The following ADAMTS20 variants were observed in gnomAD, a reference collection of about 807,000 sequenced individuals.
The protein encoded by ADAMTS20 is ADAM metallopeptidase with thrombospondin type 1 motif 20, also known as A disintegrin and metalloproteinase with thrombospondin motifs 20.
ADAMTS20 carries 225 observed loss-of-function variants against 260.1 expected under a neutral mutation model. The ratio of observed to expected loss-of-function variants is 0.87; its 90% CI spans 0.78 to 0.97. ADAMTS20 has a LOEUF of 0.97. Among genes scored for constraint, ADAMTS20 ranks in the 50% least tolerant of loss-of-function variants. The pLI is 0.00. For synonymous variants in ADAMTS20, 802 were observed against 769.5 expected (o/e 1.04, Z -0.70); for missense variants, 2,400 against 2,337.7 (o/e 1.03, Z -0.55).
At chr12:43,435,015 G>C (rs943092415) in intron 18 of ADAMTS20, among the ~76,000 whole-genome samples, 21 of 140,948 alleles carry the variant, frequency 1.5e-4, no homozygotes, top group African/African-American at 5.6e-4. Flanking sequence ...CACCAGTTGT[G>C]GGGGAAGGAA....
intron 32 of ADAMTS20, 74 bp downstream of exon 32, chr12:43,377,291 C>T: frequency 7.3e-7 from 1 of 1,372,902 alleles, no homozygotes; most frequent in Non-Finnish European, 9.8e-7. Flanking sequence ...GTTAGACATA[C>T]AAACAGATTA....
At chr12:43,542,505 C>T (rs1484976362) in intron 2 of ADAMTS20, among the ~76,000 whole-genome samples, 1 of 46,854 alleles carries the variant, frequency 2.1e-5, no homozygotes, top group Non-Finnish European at 5.1e-5. Context: ...ATCATTTGGG[C>T]CAATCTATTG....
At chr12:43,453,554 G>A (rs1293305851) in intron 12 of ADAMTS20, among the ~76,000 whole-genome samples, 2 of 151,874 alleles carry the variant, frequency 1.3e-5, no homozygotes, top group Non-Finnish European at 2.9e-5. Flanking sequence ...CAGAAGATCC[G>A]AAACATAAGT....
At chr12:43,537,526 C>T (rs952879222) in intron 2 of ADAMTS20, among the ~76,000 whole-genome samples, 1 of 152,018 alleles carries the variant, frequency 6.6e-6, no homozygotes, top group African/African-American at 2.4e-5. Context: ...TACAAAAAAT[C>T]CAATTACATT....
At position 43,396,836 on chromosome 12, in the gene ADAMTS20, C is replaced by A. The variant is rs1273798255; in HGVS notation, c.4452+2230G>T. Among the ~76,000 whole-genome samples the A allele has an allele frequency of 2.6e-5, 4 of 152,166 alleles. No homozygotes were observed. In the East Asian group the frequency reaches 7.7e-4, roughly 29 times the overall value. ...GACAGAAAGTGTCTCTCATGAATAC[C>A]AACCACAGCAGCTGCAGCAGCTGCA... On this transcript the variant is annotated intron_variant, in intron 29 of 38. Coordinates refer to ENST00000389420, the MANE Select transcript of ADAMTS20 (RefSeq NM_025003.5).
chr12:43,389,646 C>A (rs183071519), intron 29 of ADAMTS20, among the ~76,000 whole-genome samples: 75 of 152,072 alleles, frequency 4.9e-4, no homozygotes, highest in Non-Finnish European at 2.6e-4. Context: ...ATGGGGGCAG[C>A]TCTGATGCCA....
intron 7 of ADAMTS20, among the ~76,000 whole-genome samples, chr12:43,477,867 A>G (rs184342364): frequency 5.9e-5 from 9 of 152,348 alleles, no homozygotes; most frequent in Admixed American, 3.3e-4. Context: ...TTCTTCATTA[A>G]GCCAGGGACT....
At chr12:43,405,416 TCTAATAATAATAATAATAATA>T (rs1940898759) in intron 28 of ADAMTS20, among the ~76,000 whole-genome samples, 2 of 70,026 alleles carry the variant, frequency 2.9e-5, no homozygotes, top group East Asian at 7.9e-4. Flanking sequence ...AGACGTCTTC[TCTAATAATAATAATAATAATA>T]ATAATAATAA....
chr12:43,355,789 T>C lies in ADAMTS20; in HGVS notation c.5643+695A>G, dbSNP rs73284837. Among the ~76,000 whole-genome samples the C allele has an allele frequency of 5.1e-3, 783 of 152,136 alleles. 8 individuals are homozygous for C. Among genetic ancestry groups the C allele is most frequent in the African/African-American group, 0.018 (747 of 41,526 alleles). ...ATGAAGTGTACATGTTAGAACACCA[T>C]ACCTGCAGAAAATTAAGTGGATTCT... On this transcript the variant is annotated intron_variant, in intron 38 of 38. Coordinates refer to ENST00000389420, the MANE Select transcript of ADAMTS20 (RefSeq NM_025003.5).
At chr12:43,375,662 G>A (rs1940210359) in intron 35 of ADAMTS20, 150 bp from the exon 36 acceptor site, 4 of 828,994 alleles carry the variant, frequency 4.8e-6, no homozygotes, top group African/African-American at 3.5e-5. Context: ...AATCACTTAA[G>A]GTGAACATAC....
intron 4 of ADAMTS20, among the ~76,000 whole-genome samples, chr12:43,495,136 A>T (rs1376755966): frequency 6.6e-6 from 1 of 152,234 alleles, no homozygotes; most frequent in Non-Finnish European, 1.5e-5. Context: ...TTTCGGAAGG[A>T]AACAGATGCT....
chr12:43,416,377 C>T (rs1403061083), intron 28 of ADAMTS20, among the ~76,000 whole-genome samples: 1 of 152,082 alleles, frequency 6.6e-6, no homozygotes, highest in Non-Finnish European at 1.5e-5. Flanking sequence ...TTTTCTATAC[C>T]TATAGAATTT....
At chr12:43,499,498 T>G (rs1450265767) in intron 4 of ADAMTS20, among the ~76,000 whole-genome samples, 1 of 151,440 alleles carries the variant, frequency 6.6e-6, no homozygotes, top group Non-Finnish European at 1.5e-5. Context: ...TTTTTTTTTT[T>G]TTTTTTTTTT....
At chr12:43,496,788 T>C (rs1178314704) in intron 4 of ADAMTS20, among the ~76,000 whole-genome samples, 3 of 152,104 alleles carry the variant, frequency 2.0e-5, no homozygotes, top group African/African-American at 7.2e-5. Flanking sequence ...GTTTGAGAAA[T>C]GAGCTAAAAT....
At chr12:43,527,300 T>A (rs144215580) in intron 3 of ADAMTS20, among the ~76,000 whole-genome samples, 202 of 152,146 alleles carry the variant, frequency 1.3e-3, no homozygotes, top group African/African-American at 4.6e-3. Flanking sequence ...AATAAAACAA[T>A]TTCAAAAATT....
chr12:43,498,835 C>T (rs991434209), intron 4 of ADAMTS20, among the ~76,000 whole-genome samples: 4 of 152,176 alleles, frequency 2.6e-5, no homozygotes, highest in African/African-American at 9.7e-5. Context: ...CAAAACTGAT[C>T]AAGTTCCAGG....
At chr12:43,403,209 C>G (rs1353367880) in intron 28 of ADAMTS20, among the ~76,000 whole-genome samples, 1 of 152,056 alleles carries the variant, frequency 6.6e-6, no homozygotes, top group Non-Finnish European at 1.5e-5. Context: ...AATAAGATTA[C>G]TTCTCATATT....
At chr12:43,458,979 A>G (rs931181413) in intron 11 of ADAMTS20, among the ~76,000 whole-genome samples, 1 of 152,222 alleles carries the variant, frequency 6.6e-6, no homozygotes, top group African/African-American at 2.4e-5. Flanking sequence ...ATAGCCAATC[A>G]TCTATCACCT....
chr12:43,434,967 A>C (rs981697572), intron 18 of ADAMTS20, among the ~76,000 whole-genome samples: 39 of 152,218 alleles, frequency 2.6e-4, no homozygotes, highest in African/African-American at 7.7e-4. Flanking sequence ...TCATGGAAAA[A>C]AAAGGCATAG....
Sources: gnomAD v4.1 joint callset for allele counts (sites outside exome capture counted in the v4.1 genomes callset) on GRCh38, gnomAD v4.1.1 for gene constraint, MANE v1.5 for transcripts, NCBI Gene and HGNC (gene_info 2026-07-23, HGNC 2026-07-21) for gene names.